Variants in TMEM26 observed in about 807,000 individuals in gnomAD.
TMEM26 encodes the protein transmembrane protein 26.
A neutral mutation model predicts 28.8 loss-of-function variants in TMEM26; 38 were observed. That is an observed-to-expected ratio of 1.32 (90% CI 1.02 to 1.73). TMEM26 has a LOEUF of 1.73. Among genes scored for constraint, TMEM26 ranks in the 40% most tolerant of loss-of-function variants. TMEM26 has a pLI of 0.00. For synonymous variants in TMEM26, 227 were observed against 182.9 expected (o/e 1.24, Z -1.95); for missense variants, 518 against 447.1 (o/e 1.16, Z -1.43).
chr10:61,428,859 G>T, intron 4 of TMEM26, 67 bp downstream of exon 4: 1 of 1,364,550 alleles, frequency 7.3e-7, no homozygotes. Flanking sequence ...ACAAGTCACA[G>T]AACAAAGAGA....
intron 5 of TMEM26, 36 bp from the exon 6 acceptor site, chr10:61,410,782 T>C: frequency 1.9e-6 from 3 of 1,599,916 alleles, no homozygotes; most frequent in Non-Finnish European, 2.6e-6. Context: ...CTATCTCTCT[T>C]GGAAGTGTAG....
At chr10:61,416,526 AAAGCTCTTAGAACAGCATGTGACAC>A (rs2135290529) in intron 4 of TMEM26, among the ~76,000 whole-genome samples, 1 of 152,176 alleles carries the variant, frequency 6.6e-6, no homozygotes, top group Admixed American at 6.6e-5. Flanking sequence ...TTAAACACAT[AAAGCTCTTAGAACAGCATGTGACAC>A]AAGCTATTAT....
Position 61,413,544 on chromosome 10 carries a change from C to T in TMEM26, c.606-9G>A, listed in dbSNP as rs770290646. On this transcript the variant is annotated splice_polypyrimidine_tract_variant and intron_variant, in intron 4 of 5. Transcript: ENST00000399298. ...CTAGTGCAGGACTATTCCTAGAATA[C>T]AGACAAAATGTTAAATTTGTAATAA... The T allele has an allele frequency of 2.2e-5, 35 of 1,586,760 alleles. No homozygotes were observed. The African/African-American group carries it at 3.5e-4, about 16-fold the overall frequency.
chr10:61,415,116 G>T, intron 4 of TMEM26: 1 of 985,204 alleles, frequency 1.0e-6, no homozygotes, highest in Non-Finnish European at 1.2e-6. Context: ...CCAGTACCCT[G>T]GAAGACACAA....
intron 2 of TMEM26, among the ~76,000 whole-genome samples, chr10:61,432,460 A>T (rs1278187227): frequency 6.6e-6 from 1 of 152,180 alleles, no homozygotes; most frequent in Non-Finnish European, 1.5e-5. Context: ...ATTATGTAAG[A>T]GAAGAAAGGA....
At chr10:61,435,538 C>T (rs1839990136) in intron 2 of TMEM26, among the ~76,000 whole-genome samples, 1 of 152,162 alleles carries the variant, frequency 6.6e-6, no homozygotes, top group Admixed American at 6.5e-5. Context: ...AGCTCACCTT[C>T]CACATGGTGG....
intron 1 of TMEM26, 146 bp downstream of exon 1, chr10:61,452,745 A>G: frequency 9.7e-7 from 1 of 1,026,536 alleles, no homozygotes; most frequent in Non-Finnish European, 1.4e-6. Context: ...ATGCGCAAGC[A>G]TCTCGCGCCT....
chr10:61,432,758 A>C (rs975066241), intron 2 of TMEM26, among the ~76,000 whole-genome samples: 2 of 152,198 alleles, frequency 1.3e-5, no homozygotes, highest in African/African-American at 4.8e-5. Context: ...GAAAGTCTGC[A>C]AGAAGCTGTT....
At chr10:61,420,139 A>G (rs1053934023) in intron 4 of TMEM26, among the ~76,000 whole-genome samples, 2 of 152,326 alleles carry the variant, frequency 1.3e-5, no homozygotes, top group East Asian at 1.9e-4. Flanking sequence ...TGTATGTTAT[A>G]TGTATTACAC....
At chr10:61,412,109 A>C (rs1221534591) in intron 5 of TMEM26, among the ~76,000 whole-genome samples, 11 of 152,202 alleles carry the variant, frequency 7.2e-5, no homozygotes. Context: ...CTAAGAAATG[A>C]GGGCCAGGAA....
intron 4 of TMEM26, 55 bp from the exon 5 acceptor site, chr10:61,413,590 A>C (rs1230130100): frequency 8.5e-6 from 13 of 1,529,280 alleles, no homozygotes; most frequent in Non-Finnish European, 1.1e-5. Flanking sequence ...CACATGCAGA[A>C]AAGTCTTCTC....
chr10:61,448,361 CAACT>C (rs1347824138), intron 1 of TMEM26, among the ~76,000 whole-genome samples: 1 of 152,220 alleles, frequency 6.6e-6, no homozygotes, highest in Admixed American at 6.5e-5. Context: ...TCTCAACTGA[CAACT>C]AACTGGTCCC....
In TMEM26 at chr10:61,410,450, C is replaced by T. The variant is rs938083401; in HGVS notation, c.979G>A (p.Gly327Ser). ...CTCTCAGAGGTCTGTGCCCGGCAAC[C>T]ATGTTCTCCTTTCAGGCCTTCTGAC... ...SQSEGLKGEH[G>S]CRAQTSESGP... Residue 327 changes from glycine to serine, a missense_variant, in exon 6 of 6, where the codon GGT (glycine) becomes AGT (serine). Transcript: ENST00000399298. 6.2e-7 allele frequency: 1 copy of T among 1,614,034 alleles called. No individual in the cohort carries two copies. Among genetic ancestry groups the T allele is most frequent in the African/African-American group, 1.3e-5 (1 of 74,928 alleles).
chr10:61,444,397 C>T (rs998012360), intron 1 of TMEM26, among the ~76,000 whole-genome samples: 2 of 152,116 alleles, frequency 1.3e-5, no homozygotes, highest in Non-Finnish European at 2.9e-5. Context: ...TTATTTCATT[C>T]TAAATAAAGA....
intron 1 of TMEM26, among the ~76,000 whole-genome samples, chr10:61,449,289 AT>A (rs958659918): frequency 4.0e-5 from 6 of 151,172 alleles, no homozygotes; most frequent in African/African-American, 4.9e-5. Flanking sequence ...AGGAGTGCAT[AT>A]TTTTTTTAGC....
chr10:61,435,818 A>G (rs1482555652), intron 2 of TMEM26, among the ~76,000 whole-genome samples: 1 of 152,202 alleles, frequency 6.6e-6, no homozygotes, highest in Non-Finnish European at 1.5e-5. Flanking sequence ...TCTTAGCACA[A>G]CATAGAAACT....
intron 1 of TMEM26, among the ~76,000 whole-genome samples, chr10:61,442,977 G>C (rs1231291884): frequency 6.6e-6 from 1 of 152,172 alleles, no homozygotes; most frequent in African/African-American, 2.4e-5. Flanking sequence ...GAAGTCACCA[G>C]TGTGATCCCA....
At chr10:61,410,933 G>C (rs1275823953) in intron 5 of TMEM26, among the ~76,000 whole-genome samples, 187 bp from the exon 6 acceptor site, 2 of 152,170 alleles carry the variant, frequency 1.3e-5, no homozygotes, top group East Asian at 3.9e-4. Flanking sequence ...AAAGCACCCT[G>C]CCCTGTGACT....
chr10:61,408,846 C>T lies in TMEM26; in HGVS notation c.*1476G>A, dbSNP rs1352082379. Reference sequence around the variant, plus strand: ...AAGAAGCCATTTATGAGAAAATATGCATGACTCTGTATAAAAACACAATTT... The same window carrying T: ...AAGAAGCCATTTATGAGAAAATATGTATGACTCTGTATAAAAACACAATTT... On this transcript the variant is annotated 3_prime_UTR_variant, in exon 6 of 6. Transcript: ENST00000399298. 6.6e-6 allele frequency: 1 copy of T among 152,092 alleles called. No homozygotes were observed. Among genetic ancestry groups the T allele is most frequent in the East Asian group, 1.9e-4 (1 of 5,192 alleles). 9.4% of individuals were successfully genotyped at this position (152,092 alleles called of 1,614,324 possible). A position where few individuals can be genotyped will look rare whatever the true frequency, so the allele number is the denominator to read the frequency against.
Sources: gnomAD v4.1 joint callset for allele counts (sites outside exome capture counted in the v4.1 genomes callset) on GRCh38, gnomAD v4.1.1 for gene constraint, MANE v1.5 for transcripts, NCBI Gene and HGNC (gene_info 2026-07-23, HGNC 2026-07-21) for gene names.